SLIT2: variants seen among roughly 807,000 people sequenced by gnomAD.
SLIT2 encodes the protein slit guidance ligand 2, also known as slit homolog 2 protein.
A neutral mutation model predicts 185.7 loss-of-function variants in SLIT2; 41 were observed. The ratio of observed to expected loss-of-function variants is 0.22; its 90% CI spans 0.17 to 0.29. The LOEUF is 0.29. SLIT2 is among the 10% of genes least tolerant of loss of function. The pLI is 1.00. For missense variants in SLIT2, 1,571 were observed against 1,909.0 expected, an observed-to-expected ratio of 0.82 and a Z score of 3.30; for synonymous variants, 693 against 680.2, an observed-to-expected ratio of 1.02 and a Z score of -0.29.
chr4:20,552,378 C>A (rs995140526), intron 25 of SLIT2: 1 of 132,806 alleles, frequency 7.5e-6, no homozygotes. Context: ...TTTTTTTTTT[C>A]TTTATATATA....
chr4:20,345,423 C>G (rs868866887), intron 4 of SLIT2, among the ~76,000 whole-genome samples: 1 of 151,956 alleles, frequency 6.6e-6, no homozygotes, highest in Non-Finnish European at 1.5e-5. Context: ...CTTTTCCCTG[C>G]AGAAACCCTG....
chr4:20,256,542 C>G lies in SLIT2; in HGVS notation c.180-130C>G, dbSNP rs1711862233. 5 of 533,232 alleles carry G rather than the reference C, an allele frequency of 9.4e-6. No individual in the cohort carries two copies. The Admixed American group carries it at 1.5e-4, about 16-fold the overall frequency. 33.0% of individuals were successfully genotyped at this position (533,232 alleles called of 1,614,324 possible). Reference sequence around the variant, plus strand: ...ATCCTTTTAAAGGTTATCCTCTTCTCCTTCCTACATACTTTGTATACTACT... The same window carrying G: ...ATCCTTTTAAAGGTTATCCTCTTCTGCTTCCTACATACTTTGTATACTACT... On this transcript the variant is annotated intron_variant, in intron 1 of 36. Coordinates refer to ENST00000504154, the MANE Select transcript of SLIT2 (RefSeq NM_004787.4).
chr4:20,512,837 A>G (rs1719877583), intron 11 of SLIT2, among the ~76,000 whole-genome samples: 1 of 152,178 alleles, frequency 6.6e-6, no homozygotes, highest in Non-Finnish European at 1.5e-5. Context: ...GCAGAGTTTG[A>G]TATTAAGCTC....
At chr4:20,289,406 A>G (rs1228469912) in intron 4 of SLIT2, among the ~76,000 whole-genome samples, 1 of 151,910 alleles carries the variant, frequency 6.6e-6, no homozygotes, top group Non-Finnish European at 1.5e-5. Flanking sequence ...TGCCATTGCT[A>G]TTTTCTTGGT....
At position 20,528,834 on chromosome 4, in the gene SLIT2, C is replaced by T; in HGVS notation, c.1463-115C>T. On this transcript the variant is annotated intron_variant, in intron 15 of 36. Transcript: ENST00000504154. This position sits in a 1 kb window ranked among gnomAD's most constrained non-coding sequence, Gnocchi z 4.2. Reference sequence around the variant, plus strand: ...CTGACATCCATTGACCAAAATACCCCAAGTTGTCTCCCTGCTACATAATCT... The same window carrying T: ...CTGACATCCATTGACCAAAATACCCTAAGTTGTCTCCCTGCTACATAATCT... 1.3e-6 allele frequency: 1 copy of T among 765,028 alleles called. No homozygotes were observed. The highest frequency in any genetic ancestry group is 2.0e-6 in the Non-Finnish European group (1 of 495,558). The allele number at this position is 765,028 out of a possible 1,614,324, so 47.4% of individuals were successfully genotyped here.
chr4:20,536,435 G>A (rs916485781), intron 18 of SLIT2, among the ~76,000 whole-genome samples: 1 of 151,744 alleles, frequency 6.6e-6, no homozygotes, highest in Non-Finnish European at 1.5e-5. Context: ...GCAGGCACTT[G>A]TAATCCCAGC....
intron 4 of SLIT2, among the ~76,000 whole-genome samples, chr4:20,403,704 T>C (rs919318147): frequency 5.2e-4 from 79 of 151,970 alleles, no homozygotes; most frequent in African/African-American, 1.9e-3. Flanking sequence ...GAGTCGACTG[T>C]GTTTTTGATA....
rs554942701 is a variant in SLIT2, at chr4:20,253,025, C to T, written c.-791C>T. On this transcript the variant is annotated 5_prime_UTR_variant, in exon 1 of 37. Coordinates refer to ENST00000504154, the MANE Select transcript of SLIT2 (RefSeq NM_004787.4). The stretch of plus-strand genomic sequence containing the variant: ...TTTCTGCGTGACCTCGGGGCAGGTC[C>T]TGGTGCAGAGCGTCGCCAAGGACGC... Among the ~76,000 whole-genome samples the T allele has an allele frequency of 1.3e-3, 193 of 152,320 alleles. No homozygotes were observed. The highest frequency in any genetic ancestry group is 4.1e-3 in the African/African-American group (172 of 41,576).
rs751283266 is a variant in SLIT2 at position 20,589,692 on chromosome 4, C to A, written c.3137C>A (p.Pro1046His). 1 of 1,613,844 alleles carries A rather than the reference C, an allele frequency of 6.2e-7. No individual in the cohort carries two copies. The highest frequency in any genetic ancestry group is 2.2e-5 in the East Asian group (1 of 44,854). ...KLDFCAQDLNPCQHDSKCILT... is the reference protein window; with the variant it reads ...KLDFCAQDLNHCQHDSKCILT... ...GACTTCTGTGCCCAGGACCTGAACC[C>A]CTGCCAGCACGATTCAAAGTGCATC... is the stretch of plus-strand genomic sequence containing the variant. Residue 1046 changes from proline (P) to histidine (H), a missense_variant, in exon 30 of 37, where the codon CCC (proline) becomes CAC (histidine). Physicochemically the swap from Pro to His is moderately conservative, Grantham distance 77. Around this residue, in one of 3 missense-constraint regions of SLIT2, gnomAD observed 1,202 missense variants for 1,416.4 expected, o/e 0.85. Transcript: ENST00000504154.
chr4:20,338,333 CT>C (rs1560330617), intron 4 of SLIT2, among the ~76,000 whole-genome samples: 1 of 152,104 alleles, frequency 6.6e-6, no homozygotes, highest in African/African-American at 2.4e-5. Flanking sequence ...AGAATGACTT[CT>C]TTTTTGATGG....
rs557466312 is a variant in SLIT2 at position 20,469,921 on chromosome 4, A to C, written c.467+2098A>C. ...TAGGCACTCGCCACCATGCCTGGCC[A>C]ATTTTTTGTATTTAGTAGAGATGGG... is the stretch of plus-strand genomic sequence containing the variant. On this transcript the variant is annotated intron_variant, in intron 5 of 36. Coordinates refer to ENST00000504154, the MANE Select transcript of SLIT2 (RefSeq NM_004787.4). Among the ~76,000 whole-genome samples the C allele has an allele frequency of 3.3e-3, 505 of 151,612 alleles. 3 individuals carry two copies. The highest frequency in any genetic ancestry group is 0.012 in the African/African-American group (480 of 41,348).
At chr4:20,413,184 C>T (rs145638532) in intron 4 of SLIT2, among the ~76,000 whole-genome samples, 260 of 152,080 alleles carry the variant, frequency 1.7e-3, no homozygotes, top group African/African-American at 6.0e-3. Flanking sequence ...TGTTTTCATT[C>T]ACCTTAAAGT....
intron 4 of SLIT2, among the ~76,000 whole-genome samples, chr4:20,441,947 A>T (rs1729783916): frequency 6.6e-6 from 1 of 152,206 alleles, no homozygotes; most frequent in Admixed American, 6.5e-5. Flanking sequence ...ATATTTTTTT[A>T]AAGTAATTTT....
rs1491523426 is a variant in SLIT2, at chr4:20,472,502, C to CTA, written c.467+4686_467+4687dup. Among the ~76,000 whole-genome samples, 17 of 10,272 alleles carry CTA rather than the reference C, an allele frequency of 1.7e-3. 1 individual carries two copies. Among genetic ancestry groups the CTA allele is most frequent in the South Asian group, 4.5e-3 (1 of 222 alleles). 6.7% of individuals were successfully genotyped at this position (10,272 alleles called of 152,430 possible). ...TATATATCTATATATAGATATATATCTATATATAGATAGATATATATCTAT... is the reference window on the plus strand; with the variant it reads ...TATATATCTATATATAGATATATATCTATATATATAGATAGATATATATCTAT... On this transcript the variant is annotated intron_variant, in intron 5 of 36. Transcript: ENST00000504154.
rs1722844944 is a variant in SLIT2 at position 20,362,783 on chromosome 4, C to G, written c.395+93902C>G. On this transcript the variant is annotated intron_variant, in intron 4 of 36. Coordinates refer to ENST00000504154, the MANE Select transcript of SLIT2 (RefSeq NM_004787.4). ...GGAAGGTTTTGCTTCATCTTAATCT[C>G]AAAGACTTTGCTTTGTTGTTTACTT... is the stretch of plus-strand genomic sequence containing the variant. 3.3e-5 allele frequency among the ~76,000 whole-genome samples: 5 copies of G among 152,062 alleles called. No homozygotes were observed. The South Asian group carries it at 1.0e-3, about 32-fold the overall frequency.
Position 20,342,125 on chromosome 4 carries a change from A to G in SLIT2, c.395+73244A>G, listed in dbSNP as rs981269386. On this transcript the variant is annotated intron_variant, in intron 4 of 36. Coordinates refer to ENST00000504154, the MANE Select transcript of SLIT2 (RefSeq NM_004787.4). The stretch of plus-strand genomic sequence containing the variant: ...TTAGGACATAATTTTTAGAAAGTGT[A>G]CCATTTATTATTACTAGTTAATTAA... Among the ~76,000 whole-genome samples the G allele has an allele frequency of 3.3e-5, 5 of 152,160 alleles. No homozygotes were observed. In the East Asian group the frequency reaches 9.6e-4, roughly 29 times the overall value.
intron 15 of SLIT2, among the ~76,000 whole-genome samples, chr4:20,526,159 A>G (rs939449981): frequency 6.6e-6 from 1 of 152,128 alleles, no homozygotes; most frequent in Non-Finnish European, 1.5e-5. Flanking sequence ...CTAACTTTCC[A>G]TATTTTCTTA....
At chr4:20,593,480 G>A (rs1560222537) in intron 30 of SLIT2, among the ~76,000 whole-genome samples, 1 of 152,112 alleles carries the variant, frequency 6.6e-6, no homozygotes, top group Non-Finnish European at 1.5e-5. Flanking sequence ...TTGGGGTGGG[G>A]AAAATGGGAA....
intron 4 of SLIT2, among the ~76,000 whole-genome samples, chr4:20,360,151 A>T (rs763422195): frequency 3.9e-5 from 6 of 152,166 alleles, no homozygotes; most frequent in Non-Finnish European, 7.4e-5. Flanking sequence ...AAATTTCCTA[A>T]CATTCTCTCT....
Sources: allele counts gnomAD v4.1 joint callset (sites outside exome capture counted in the v4.1 genomes callset), GRCh38; gene constraint gnomAD v4.1.1; regional missense constraint gnomAD v4.1.1; non-coding constraint Gnocchi (gnomAD v3.1); transcripts MANE v1.5; gene names NCBI Gene and HGNC (gene_info 2026-07-23, HGNC 2026-07-21).